Variants in SUPT20HL1 observed in about 807,000 individuals in gnomAD.
The protein encoded by SUPT20HL1 is transcription factor SPT20 homolog-like 1.
For synonymous variants in SUPT20HL1, 133 were observed against 79.2 expected (o/e 1.68, Z -3.61); for missense variants, 277 against 200.3 (o/e 1.38, Z -2.31).
Position 24,363,032 on chromosome X carries a change from T to C in SUPT20HL1, c.272T>C (p.Met91Thr), listed in dbSNP as rs752842589. 2.8e-6 allele frequency: 1 copy of C among 358,260 alleles called. No individual in the cohort carries two copies. Among genetic ancestry groups the C allele is most frequent in the South Asian group, 2.6e-5 (1 of 39,207 alleles). The allele number at this position is 358,260 out of a possible 1,213,427, so 29.5% of individuals were successfully genotyped here. A position where few individuals can be genotyped will look rare whatever the true frequency, so the allele number is the denominator to read the frequency against. Reference protein sequence around the residue: ...LYPGNQGYSVMLQREDGSFAE... With the variant: ...LYPGNQGYSVTLQREDGSFAE... ...CCAGGCAATCAGGGGTATTCTGTGATGCTCCAGAGAGAAGATGGGTCCTTT... is the reference window on the plus strand; with the variant it reads ...CCAGGCAATCAGGGGTATTCTGTGACGCTCCAGAGAGAAGATGGGTCCTTT... Residue 91 changes from methionine (M) to threonine (T), a missense_variant, in exon 1 of 1, where the codon ATG (methionine) becomes ACG (threonine). By Grantham distance (81) the Met-to-Thr change is moderately conservative (BLOSUM62 -1). Transcript: ENST00000686983.
rs1187852760 is a variant in SUPT20HL1, at chrX:24,361,602, TTACTC to T, written c.-1156_-1152del. Among the ~76,000 whole-genome samples the T allele has an allele frequency of 1.8e-5, 2 of 111,942 alleles. No homozygotes were observed. The highest frequency in any genetic ancestry group is 3.2e-5 in the African/African-American group (1 of 30,808). On this transcript the variant is annotated 5_prime_UTR_variant, in exon 1 of 1. Transcript: ENST00000686983. ...TAGGATCTTAGCTAAGGTCTACAGT[TTACTC>T]TAATCATTGAAAATTTATTGCCATC...
rs1939431878 is a variant in SUPT20HL1, at chrX:24,362,221, G to A, written c.-540G>A. On this transcript the variant is annotated 5_prime_UTR_variant, in exon 1 of 1. Transcript: ENST00000686983. Reference sequence around the variant, plus strand: ...AAGTGCGGGCAGCAGACCCGGAAGTGCGGTGGGTGAGCCTTGCGCCCAGGA... The same window carrying A: ...AAGTGCGGGCAGCAGACCCGGAAGTACGGTGGGTGAGCCTTGCGCCCAGGA... Among the ~76,000 whole-genome samples the A allele has an allele frequency of 8.9e-6, 1 of 112,989 alleles. No homozygotes were observed. Among genetic ancestry groups the A allele is most frequent in the African/African-American group, 3.2e-5 (1 of 31,152 alleles).
Position 24,363,699 on chromosome X carries a change from A to C in SUPT20HL1, c.939A>C (p.Lys313Asn), listed in dbSNP as rs767832313. Reference protein sequence around the residue: ...PSEVDVEKLAKGYQSVTAADP... With the variant: ...PSEVDVEKLANGYQSVTAADP... ...AAGTGGATGTGGAGAAACTTGCTAA[A>C]GGGTATCAGTCCGTCACAGCTGCTG... Residue 313 changes from lysine (K) to asparagine (N), a missense_variant, in exon 1 of 1, where the codon AAA (lysine) becomes AAC (asparagine). By Grantham distance (94) the Lys-to-Asn change is moderately conservative (BLOSUM62 0). Transcript: ENST00000686983. 2.6e-6 allele frequency: 1 copy of C among 387,494 alleles called. No individual in the cohort carries two copies. The highest frequency in any genetic ancestry group is 5.2e-6 in the Non-Finnish European group (1 of 192,670). The allele number at this position is 387,494 out of a possible 1,213,427, so 31.9% of individuals were successfully genotyped here.
rs1286170723 is a variant in SUPT20HL1 at position 24,364,303 on chromosome X, G to GCTGCTGCTC, written c.1549_1557dup (p.Ala517_Ala519dup). ...TGCTGCTGCTGCTGCTGCTGCTGCT[G>GCTGCTGCTC]CTGCTGCTCCTGCTCCTGCTCTAGC... is the stretch of plus-strand genomic sequence containing the variant. On this transcript the variant is annotated inframe_insertion, in exon 1 of 1. Coordinates refer to ENST00000686983, the MANE Select transcript of SUPT20HL1 (RefSeq NM_001136234.3). 4 of 953,702 alleles carry GCTGCTGCTC rather than the reference G, an allele frequency of 4.2e-6. No individual in the cohort carries two copies. Among genetic ancestry groups the GCTGCTGCTC allele is most frequent in the Non-Finnish European group, 5.7e-6 (4 of 702,949 alleles). The allele number at this position is 953,702 out of a possible 1,213,427, so 78.6% of individuals were successfully genotyped here. A position where few individuals can be genotyped will look rare whatever the true frequency, so the allele number is the denominator to read the frequency against.
rs764765914 is a variant in SUPT20HL1, at chrX:24,367,167, A to C, written c.*1743A>C. On this transcript the variant is annotated 3_prime_UTR_variant, in exon 1 of 1. Coordinates refer to ENST00000686983, the MANE Select transcript of SUPT20HL1 (RefSeq NM_001136234.3). Reference sequence around the variant, plus strand: ...GCTAATTCATTCCTATCTGTGGTTCAATAACATTCCATTGTTTGTATGTAG... The same window carrying C: ...GCTAATTCATTCCTATCTGTGGTTCCATAACATTCCATTGTTTGTATGTAG... Among the ~76,000 whole-genome samples, 1 of 112,715 alleles carries C rather than the reference A, an allele frequency of 8.9e-6. No individual in the cohort carries two copies. The highest frequency in any genetic ancestry group is 2.8e-4 in the East Asian group (1 of 3,595).
At position 24,364,403 on chromosome X, in the gene SUPT20HL1, C is replaced by T. The variant is rs1265168758; in HGVS notation, c.1643C>T (p.Pro548Leu). 6.7e-6 allele frequency: 4 copies of T among 593,687 alleles called. No homozygotes were observed. The highest frequency in any genetic ancestry group is 5.7e-6 in the Non-Finnish European group (2 of 351,035). The allele number at this position is 593,687 out of a possible 1,213,427, so 48.9% of individuals were successfully genotyped here. A position where few individuals can be genotyped will look rare whatever the true frequency, so the allele number is the denominator to read the frequency against. ...GCTGCTGCTGCTCCTGCTCCTGCTC[C>T]TGCCGCTGCTCCTGCTGTAGCTGCT... ...LAAAAAPAPA[P>L]AAAPAVAAAP... is the part of the protein sequence containing the mutation. The change falls in exon 1 of 1, where the codon CCT (proline) becomes CTT (leucine). Residue 548 changes from proline (P) to leucine (L), a missense_variant. Coordinates refer to ENST00000686983, the MANE Select transcript of SUPT20HL1 (RefSeq NM_001136234.3).
chrX:24,366,201 A>C lies in SUPT20HL1; in HGVS notation c.*777A>C, dbSNP rs1157545308. ...CTTTTTAAAAATGGTTTCCCTGTACATAATATATATGAAAGTGACTTATGA... is the reference window on the plus strand; with the variant it reads ...CTTTTTAAAAATGGTTTCCCTGTACCTAATATATATGAAAGTGACTTATGA... On this transcript the variant is annotated 3_prime_UTR_variant, in exon 1 of 1. Coordinates refer to ENST00000686983, the MANE Select transcript of SUPT20HL1 (RefSeq NM_001136234.3). 8.9e-6 allele frequency among the ~76,000 whole-genome samples: 1 copy of C among 112,141 alleles called. No homozygotes were observed. The highest frequency in any genetic ancestry group is 1.9e-5 in the Non-Finnish European group (1 of 53,243).
Position 24,362,643 on chromosome X carries a change from C to T in SUPT20HL1, c.-118C>T. 1 of 368,232 alleles carries T rather than the reference C, an allele frequency of 2.7e-6. No individual in the cohort carries two copies. Among genetic ancestry groups the T allele is most frequent in the South Asian group, 2.5e-5 (1 of 39,617 alleles). 30.3% of individuals were successfully genotyped at this position (368,232 alleles called of 1,213,427 possible). A position where few individuals can be genotyped will look rare whatever the true frequency, so the allele number is the denominator to read the frequency against. ...TCTGGGCAGATGCCCACGTTGAACT[C>T]AGTGTGGACTTGTGGCATCTTGCGG... On this transcript the variant is annotated 5_prime_UTR_variant, in exon 1 of 1. Coordinates refer to ENST00000686983, the MANE Select transcript of SUPT20HL1 (RefSeq NM_001136234.3).
rs1175397018 is a variant in SUPT20HL1, at chrX:24,364,627, T to C, written c.1867T>C (p.Leu623=). 2.0e-6 allele frequency: 1 copy of C among 498,099 alleles called. No homozygotes were observed. Among genetic ancestry groups the C allele is most frequent in the Admixed American group, 2.3e-5 (1 of 43,134 alleles). The allele number at this position is 498,099 out of a possible 1,213,427, so 41.0% of individuals were successfully genotyped here. The change falls in exon 1 of 1, where the codon TTG becomes CTG. Residue 623 remains leucine (L), a synonymous_variant. Coordinates refer to ENST00000686983, the MANE Select transcript of SUPT20HL1 (RefSeq NM_001136234.3). ...VEGPVQGAQA[L]GSSFKPVQAP... is the part of the protein sequence containing the mutation. Reference sequence around the variant, plus strand: ...GGGCCCAGTCCAGGGAGCCCAGGCTTTGGGGAGCAGTTTCAAGCCTGTGCA... The same window carrying C: ...GGGCCCAGTCCAGGGAGCCCAGGCTCTGGGGAGCAGTTTCAAGCCTGTGCA...
In SUPT20HL1 at chrX:24,364,664, C is replaced by T. The variant is rs768515287; in HGVS notation, c.1904C>T (p.Ser635Leu). The T allele has an allele frequency of 6.5e-6, 3 of 462,099 alleles. No homozygotes were observed. Among genetic ancestry groups the T allele is most frequent in the Admixed American group, 4.8e-5 (2 of 41,928 alleles). The allele number at this position is 462,099 out of a possible 1,213,427, so 38.1% of individuals were successfully genotyped here. Residue 635 changes from serine to leucine, a missense_variant, in exon 1 of 1, where the codon TCG becomes TTG. Transcript: ENST00000686983. ...TTCAAGCCTGTGCAGGCCCCTGGCT[C>T]GGGTGCCCCCGCTCCTGCAGGAATC... ...SSFKPVQAPG[S>L]GAPAPAGISG...
rs888410926 is a variant in SUPT20HL1 at position 24,362,305 on chromosome X, G to C, written c.-456G>C. On this transcript the variant is annotated 5_prime_UTR_variant, in exon 1 of 1. Transcript: ENST00000686983. The stretch of plus-strand genomic sequence containing the variant: ...GCAGCGAGTGCACATGCGCATAGAC[G>C]GGGCCCAGGAGCTGACCCTGGCCCT... Among the ~76,000 whole-genome samples the C allele has an allele frequency of 8.9e-6, 1 of 112,713 alleles. No individual in the cohort carries two copies. Among genetic ancestry groups the C allele is most frequent in the Non-Finnish European group, 1.9e-5 (1 of 53,289 alleles).
Position 24,364,539 on chromosome X carries a change from A to T in SUPT20HL1, c.1779A>T (p.Ile593=), listed in dbSNP as rs760600694. Residue 593 remains isoleucine (I), a synonymous_variant, in exon 1 of 1, where the codon ATA becomes ATT. Transcript: ENST00000686983. The part of the protein sequence containing the change: ...CPAAQPPTKF[I]KIAPAIQLRT... ...CTGCCCAGCCCCCCACCAAATTCATAAAAATAGCGCCAGCCATTCAGTTGA... is the reference window on the plus strand; with the variant it reads ...CTGCCCAGCCCCCCACCAAATTCATTAAAATAGCGCCAGCCATTCAGTTGA... The T allele has an allele frequency of 1.8e-6, 1 of 554,309 alleles. No individual in the cohort carries two copies. The highest frequency in any genetic ancestry group is 3.4e-5 in the East Asian group (1 of 29,098). The allele number at this position is 554,309 out of a possible 1,213,427, so 45.7% of individuals were successfully genotyped here.
At position 24,364,547 on chromosome X, in the gene SUPT20HL1, C is replaced by T. The variant is rs374642364; in HGVS notation, c.1787C>T (p.Ala596Val). The T allele has an allele frequency of 5.5e-5, 30 of 549,754 alleles. No individual in the cohort carries two copies. The highest frequency in any genetic ancestry group is 4.1e-4 in the African/African-American group (18 of 44,307). The allele number at this position is 549,754 out of a possible 1,213,427, so 45.3% of individuals were successfully genotyped here. A position where few individuals can be genotyped will look rare whatever the true frequency, so the allele number is the denominator to read the frequency against. The part of the protein sequence containing the change: ...AQPPTKFIKI[A>V]PAIQLRTGST... ...CCCCCCACCAAATTCATAAAAATAGCGCCAGCCATTCAGTTGAGGACAGGC... is the reference window on the plus strand; with the variant it reads ...CCCCCCACCAAATTCATAAAAATAGTGCCAGCCATTCAGTTGAGGACAGGC... The change falls in exon 1 of 1, where the codon GCG (alanine) becomes GTG (valine). Residue 596 changes from alanine to valine, a missense_variant. By Grantham distance (64) the Ala-to-Val change is moderately conservative (BLOSUM62 0). Transcript: ENST00000686983.
rs1282777256 is a variant in SUPT20HL1, at chrX:24,366,343, G to C, written c.*919G>C. 1.8e-5 allele frequency among the ~76,000 whole-genome samples: 2 copies of C among 111,801 alleles called. No homozygotes were observed. The highest frequency in any genetic ancestry group is 6.5e-5 in the African/African-American group (2 of 30,743). On this transcript the variant is annotated 3_prime_UTR_variant, in exon 1 of 1. Transcript: ENST00000686983. The stretch of plus-strand genomic sequence containing the variant: ...ACACATTCATTTTGAAAAATGAAAT[G>C]AAAAAGTACAATACAGTGATCCTTG...
rs1351363457 is a variant in SUPT20HL1 at position 24,362,461 on chromosome X, G to A, written c.-300G>A. Among the ~76,000 whole-genome samples the A allele has an allele frequency of 3.6e-5, 4 of 110,927 alleles. No homozygotes were observed. The highest frequency in any genetic ancestry group is 5.7e-5 in the Non-Finnish European group (3 of 52,619). On this transcript the variant is annotated 5_prime_UTR_variant, in exon 1 of 1. Transcript: ENST00000686983. ...TTCCCTGGGGGCAGGTTTCTGGGCA[G>A]GTGCCCAGACGCGCCTAGAAGCTGA... is the stretch of plus-strand genomic sequence containing the variant.
In SUPT20HL1 at chrX:24,361,495, A is replaced by C. The variant is rs1395490521; in HGVS notation, c.-1266A>C. On this transcript the variant is annotated 5_prime_UTR_variant, in exon 1 of 1. Transcript: ENST00000686983. ...AACAAACAAAACCAAACAAACTGGG[A>C]GATTTCAAGGCAACAAAGTTAATGG... 1.8e-5 allele frequency among the ~76,000 whole-genome samples: 2 copies of C among 112,393 alleles called. No individual in the cohort carries two copies. The highest frequency in any genetic ancestry group is 3.7e-5 in the Non-Finnish European group (2 of 53,341).
chrX:24,366,279 A>G lies in SUPT20HL1; in HGVS notation c.*855A>G, dbSNP rs1176678032. Among the ~76,000 whole-genome samples the G allele has an allele frequency of 8.9e-6, 1 of 112,222 alleles. No individual in the cohort carries two copies. The highest frequency in any genetic ancestry group is 1.9e-5 in the Non-Finnish European group (1 of 53,248). On this transcript the variant is annotated 3_prime_UTR_variant, in exon 1 of 1. Coordinates refer to ENST00000686983, the MANE Select transcript of SUPT20HL1 (RefSeq NM_001136234.3). ...TCTGAAAGAGTGTAATCGTATTTAG[A>G]TTAATAGGTTTATGTACAATATATG...
At position 24,367,368 on chromosome X, in the gene SUPT20HL1, A is replaced by T. The variant is rs1377370563; in HGVS notation, c.*1944A>T. ...TTATATAATATTTGTTTTTCTAAGT[A>T]TACATGTATGTTTCTCTGCCTTTTG... On this transcript the variant is annotated 3_prime_UTR_variant, in exon 1 of 1. Coordinates refer to ENST00000686983, the MANE Select transcript of SUPT20HL1 (RefSeq NM_001136234.3). 3.6e-5 allele frequency among the ~76,000 whole-genome samples: 4 copies of T among 112,439 alleles called. No homozygotes were observed. The highest frequency in any genetic ancestry group is 3.8e-5 in the Non-Finnish European group (2 of 53,323).
rs1939464340 is a variant in SUPT20HL1 at position 24,364,441 on chromosome X, G to A, written c.1681G>A (p.Ala561Thr). ...TGCTGTAGCTGCTGCTCCTGCTGCT[G>A]CTGCTTCTGCGGCACCAAGTCATTC... ...APAVAAAPAA[A>T]ASAAPSHSQK... is the part of the protein sequence containing the mutation. The change falls in exon 1 of 1, where the codon GCT becomes ACT. Residue 561 changes from alanine (A) to threonine (T), a missense_variant. Transcript: ENST00000686983. 1 of 552,562 alleles carries A rather than the reference G, an allele frequency of 1.8e-6. No individual in the cohort carries two copies. The highest frequency in any genetic ancestry group is 3.2e-6 in the Non-Finnish European group (1 of 308,619). 45.5% of individuals were successfully genotyped at this position (552,562 alleles called of 1,213,427 possible). A position where few individuals can be genotyped will look rare whatever the true frequency, so the allele number is the denominator to read the frequency against.
Sources: gnomAD v4.1 joint callset for allele counts (sites outside exome capture counted in the v4.1 genomes callset) on GRCh38, gnomAD v4.1.1 for gene constraint, MANE v1.5 for transcripts, NCBI Gene and HGNC (gene_info 2026-07-23, HGNC 2026-07-21) for gene names.